The following RSRP1 variants were observed in gnomAD, a reference collection of about 807,000 sequenced individuals.
The protein encoded by RSRP1 is arginine and serine rich protein 1.
In RSRP1, 37 loss-of-function variants were observed where a neutral mutation model predicts 33.0. The ratio of observed to expected loss-of-function variants is 1.12; its 90% CI spans 0.86 to 1.48. The LOEUF (loss-of-function observed/expected upper bound fraction) is 1.48. Ranked by LOEUF, RSRP1 falls within the 40% of genes most tolerant of loss-of-function variation. The pLI, the probability that RSRP1 is intolerant of heterozygous loss-of-function variation, is 0.00. For missense variants in RSRP1, 402 were observed against 385.3 expected (o/e 1.04, Z -0.36); for synonymous variants, 167 against 158.7 (o/e 1.05, Z -0.40).
chr1:25,274,557 A>T (rs1571564692), intron 1 of RSRP1, among the ~76,000 whole-genome samples: 1 of 132,604 alleles, frequency 7.5e-6, no homozygotes, highest in East Asian at 2.0e-4. Flanking sequence ...CAGGGGAGGG[A>T]GGTGACTGCC....
In RSRP1 at chr1:25,320,060, G is replaced by A. The variant is rs183175837; in HGVS notation, c.-67+17918C>T. On this transcript the variant is annotated intron_variant, in intron 1 of 1. Transcript: ENST00000561867. ...ATTACAGGCATGCACCACCACACCC[G>A]GCTAATTTTGTATTTTTAGTAGAGA... Among the ~76,000 whole-genome samples, 40 of 130,840 alleles carry A rather than the reference G, an allele frequency of 3.1e-4. 8 individuals carry two copies. Among genetic ancestry groups the A allele is most frequent in the African/African-American group, 9.1e-4 (35 of 38,510 alleles). The allele number at this position is 130,840 out of a possible 152,430, so 85.8% of individuals were successfully genotyped here. A position where few individuals can be genotyped will look rare whatever the true frequency, so the allele number is the denominator to read the frequency against.
Position 25,292,510 on chromosome 1 carries a change from A to G in RSRP1, c.-67+45468T>C, listed in dbSNP as rs538149359. ...GCACGTGGGGTGGGAGAGGGTCAAGATGACTTCAAGGTTCTCATCTGGCAC... is the reference window on the plus strand; with the variant it reads ...GCACGTGGGGTGGGAGAGGGTCAAGGTGACTTCAAGGTTCTCATCTGGCAC... On this transcript the variant is annotated intron_variant, in intron 1 of 1. Coordinates refer to the RSRP1 transcript ENST00000561867. 2.0e-4 allele frequency among the ~76,000 whole-genome samples: 27 copies of G among 132,010 alleles called. 2 individuals are homozygous for G. The highest frequency in any genetic ancestry group is 6.9e-4 in the African/African-American group (27 of 38,908). 86.6% of individuals were successfully genotyped at this position (132,010 alleles called of 152,430 possible).
intron 1 of RSRP1, among the ~76,000 whole-genome samples, chr1:25,291,460 A>T (rs1366102006): frequency 7.6e-6 from 1 of 131,436 alleles, no homozygotes; most frequent in African/African-American, 2.6e-5. Flanking sequence ...CAAGAGCAAG[A>T]CTTCATCTCA....
intron 1 of RSRP1, among the ~76,000 whole-genome samples, chr1:25,284,018 G>A (rs1463161464): frequency 7.4e-6 from 1 of 134,874 alleles, no homozygotes; most frequent in Non-Finnish European, 1.8e-5. Context: ...AGCTCACCAG[G>A]TCCCTCGCAG....
chr1:25,258,940 C>T (rs1354451362), intron 1 of RSRP1, among the ~76,000 whole-genome samples: 1 of 152,110 alleles, frequency 6.6e-6, no homozygotes, highest in African/African-American at 2.4e-5. Flanking sequence ...CTTTCTCTGC[C>T]ACTCTTTGAG....
rs1248022618 is a variant in RSRP1 at position 25,293,210 on chromosome 1, AG to A, written c.-67+44767del. Among the ~76,000 whole-genome samples the A allele has an allele frequency of 3.1e-5, 4 of 130,638 alleles. 1 individual carries two copies. Among genetic ancestry groups the A allele is most frequent in the Non-Finnish European group, 7.2e-5 (4 of 55,546 alleles). 85.7% of individuals were successfully genotyped at this position (130,638 alleles called of 152,430 possible). A position where few individuals can be genotyped will look rare whatever the true frequency, so the allele number is the denominator to read the frequency against. On this transcript the variant is annotated intron_variant, in intron 1 of 1. Transcript: ENST00000561867. ...GGGAACAGAGAAATGGAGGAGAAGC[AG>A]GAGGGCAATAATCCGATAGAGAGGA... is the stretch of plus-strand genomic sequence containing the variant.
intron 1 of RSRP1, among the ~76,000 whole-genome samples, chr1:25,287,024 C>T (rs1431363473): frequency 2.2e-5 from 3 of 134,640 alleles, no homozygotes; most frequent in African/African-American, 7.7e-5. Context: ...ACCCGGGAGG[C>T]GGAGGCTATA....
At chr1:25,305,152 A>G (rs1370513719) in intron 1 of RSRP1, among the ~76,000 whole-genome samples, 2 of 131,474 alleles carry the variant, frequency 1.5e-5, no homozygotes, top group Non-Finnish European at 3.6e-5. Context: ...TTGACAGCCA[A>G]GTGTTGACAG....
chr1:25,312,152 C>T (rs1644184874), intron 1 of RSRP1, among the ~76,000 whole-genome samples: 1 of 97,598 alleles, frequency 1.0e-5, no homozygotes, highest in African/African-American at 3.5e-5. Context: ...AGGTGGCACA[C>T]AGAGTAAAAG....
chr1:25,244,242 T>C, intron 3 of RSRP1: 1 of 1,289,242 alleles, frequency 7.8e-7, no homozygotes, highest in Non-Finnish European at 1.0e-6. Context: ...ATATTGCATA[T>C]ATTATGAAAG....
intron 2 of RSRP1, among the ~76,000 whole-genome samples, chr1:25,245,621 C>A (rs1053254944): frequency 2.6e-5 from 4 of 152,158 alleles, no homozygotes; most frequent in African/African-American, 9.7e-5. Flanking sequence ...AACTGTGTAA[C>A]TTTATTCACT....
At chr1:25,278,474 G>A (rs1641204932) in intron 1 of RSRP1, among the ~76,000 whole-genome samples, 1 of 131,644 alleles carries the variant, frequency 7.6e-6, no homozygotes, top group South Asian at 2.3e-4. Context: ...AACTGGGCTG[G>A]GTTCAGCTGG....
In RSRP1 at chr1:25,297,910, G is replaced by A. The variant is rs615330; in HGVS notation, c.-67+40068C>T. ...CAGACTCAGGAGGGCACTAGAACTG[G>A]CTATGAGAAGCCACTGAGATCCCAG... is the stretch of plus-strand genomic sequence containing the variant. On this transcript the variant is annotated intron_variant, in intron 1 of 1. Coordinates refer to the RSRP1 transcript ENST00000561867. 1.4e-3 allele frequency among the ~76,000 whole-genome samples: 177 copies of A among 129,812 alleles called. 4 individuals are homozygous for A. The highest frequency in any genetic ancestry group is 4.5e-3 in the African/African-American group (165 of 36,708). The allele number at this position is 129,812 out of a possible 152,430, so 85.2% of individuals were successfully genotyped here.
At chr1:25,324,614 A>C (rs1435410502) in intron 1 of RSRP1, among the ~76,000 whole-genome samples, 2 of 151,258 alleles carry the variant, frequency 1.3e-5, no homozygotes, top group Admixed American at 6.6e-5. Context: ...GTGAAAGTTT[A>C]TTACTAGGGA....
rs182611582 is a variant in RSRP1, at chr1:25,311,088, T to C, written c.-67+26890A>G. Among the ~76,000 whole-genome samples, 30 of 132,712 alleles carry C rather than the reference T, an allele frequency of 2.3e-4. 5 individuals are homozygous for C. In the East Asian group the frequency reaches 4.9e-3, roughly 22 times the overall value. The allele number at this position is 132,712 out of a possible 152,430, so 87.1% of individuals were successfully genotyped here. ...GGAAAGTCTGGAACTTCTTAATGGTTACTGAAGTCGTTGAGATCAGAGTGC... is the reference window on the plus strand; with the variant it reads ...GGAAAGTCTGGAACTTCTTAATGGTCACTGAAGTCGTTGAGATCAGAGTGC... On this transcript the variant is annotated intron_variant, in intron 1 of 1. Coordinates refer to the RSRP1 transcript ENST00000561867.
rs770219181 is a variant in RSRP1, at chr1:25,319,708, T to C, written c.-67+18270A>G. 3.8e-5 allele frequency among the ~76,000 whole-genome samples: 5 copies of C among 131,800 alleles called. 1 individual carries two copies. Among genetic ancestry groups the C allele is most frequent in the African/African-American group, 1.3e-4 (5 of 38,702 alleles). The allele number at this position is 131,800 out of a possible 152,430, so 86.5% of individuals were successfully genotyped here. On this transcript the variant is annotated intron_variant, in intron 1 of 1. Transcript: ENST00000561867. ...GACTCCCAGAAGACAAGCATTTAAT[T>C]TGTTAATTGAGCCCTCTATGGGCCT...
At chr1:25,270,071 C>A (rs1182141679) in intron 1 of RSRP1, among the ~76,000 whole-genome samples, 1 of 131,926 alleles carries the variant, frequency 7.6e-6, no homozygotes, top group Admixed American at 7.4e-5. Context: ...GAGGTCACAT[C>A]CATTTATCCC....
At chr1:25,287,617 C>G (rs1408445404) in intron 1 of RSRP1, among the ~76,000 whole-genome samples, 41 of 135,424 alleles carry the variant, frequency 3.0e-4, no homozygotes, top group Non-Finnish European at 6.1e-4. Flanking sequence ...AGGGGCCTAT[C>G]TTATTCAACG....
At chr1:25,250,275 T>C (rs2124550459), upstream of RSRP1, among the ~76,000 whole-genome samples, 1 of 152,256 alleles carries the variant, frequency 6.6e-6, no homozygotes, top group Non-Finnish European at 1.5e-5. Context: ...CTGGTACAGC[T>C]TGCCTCAATA....
Sources: gnomAD v4.1 joint callset for allele counts (sites outside exome capture counted in the v4.1 genomes callset) on GRCh38, gnomAD v4.1.1 for gene constraint, MANE v1.5 for transcripts, NCBI Gene and HGNC (gene_info 2026-07-23, HGNC 2026-07-21) for gene names.